The following DTX2 variants were observed in gnomAD, a reference collection of about 807,000 sequenced individuals.
DTX2 encodes the protein probable E3 ubiquitin-protein ligase DTX2.
DTX2 carries 29 observed loss-of-function variants against 55.3 expected under a neutral mutation model. The observed-to-expected ratio is 0.52, with a 90% confidence interval of 0.39 to 0.71. DTX2 has a LOEUF of 0.71. DTX2 is among the 30% of genes least tolerant of loss of function. DTX2 has a pLI of 0.00. For missense variants in DTX2, 537 were observed against 822.5 expected, an observed-to-expected ratio of 0.65 and a Z score of 4.25; for synonymous variants, 276 against 340.4, an observed-to-expected ratio of 0.81 and a Z score of 2.08.
chr7:76,501,127 G>C (rs1482038526), intron 7 of DTX2: 1 of 367,098 alleles, frequency 2.7e-6, no homozygotes, highest in Non-Finnish European at 5.3e-6. Flanking sequence ...TTTTAGCTGG[G>C]AGCCCTGGAG....
chr7:76,482,562 G>T lies in DTX2; in HGVS notation c.323G>T (p.Arg108Leu), dbSNP rs754853252. ...HLFPQHSAPG[R>L]GVVWEWLSDD... is the part of the protein sequence containing the mutation. ...TTCCCCCAGCACTCAGCCCCTGGCC[G>T]AGGTGTCGTCTGGGAGTGGCTGAGC... is the stretch of plus-strand genomic sequence containing the variant. Residue 108 changes from arginine (R) to leucine (L), a missense_variant, in exon 4 of 11, where the codon CGA (arginine) becomes CTA (leucine). Arg to Leu is a moderately radical substitution (Grantham distance 102). This residue lies in a region of DTX2 where 301 missense variants were observed against 396.6 expected (regional missense o/e 0.76). Coordinates refer to ENST00000430490, the MANE Select transcript of DTX2 (RefSeq NM_001102594.3). The T allele has an allele frequency of 6.2e-7, 1 of 1,612,506 alleles. No homozygotes were observed. The highest frequency in any genetic ancestry group is 8.5e-7 in the Non-Finnish European group (1 of 1,178,930).
intron 5 of DTX2, among the ~76,000 whole-genome samples, chr7:76,495,436 T>C (rs1002141144): frequency 3.9e-5 from 6 of 152,114 alleles, no homozygotes; most frequent in Non-Finnish European, 7.4e-5. Flanking sequence ...CTCCGAGTTA[T>C]TCAGGTGTTT....
chr7:76,482,798 G>A lies in DTX2; in HGVS notation c.559G>A (p.Ala187Thr), dbSNP rs543279359. 4 of 1,613,610 alleles carry A rather than the reference G, an allele frequency of 2.5e-6. No homozygotes were observed. The highest frequency in any genetic ancestry group is 1.7e-5 in the Admixed American group (1 of 59,972). The change falls in exon 4 of 11, where the codon GCT becomes ACT. Residue 187 changes from alanine to threonine, a missense_variant. By Grantham distance (58) the Ala-to-Thr change is moderately conservative (BLOSUM62 0). Coordinates refer to ENST00000430490, the MANE Select transcript of DTX2 (RefSeq NM_001102594.3). ...GCCTTACCCGGTGACCACCATCATC[G>A]CTCCGCCGGGCCACACAGGCGTCGC... ...GPPYPVTTII[A>T]PPGHTGVACS...
At chr7:76,483,920 G>A (rs1464506542) in intron 4 of DTX2, among the ~76,000 whole-genome samples, 13 of 152,070 alleles carry the variant, frequency 8.5e-5, no homozygotes, top group African/African-American at 2.4e-4. Flanking sequence ...AGCCAGGCAT[G>A]GTGGTACACA....
chr7:76,480,450 G>A lies in DTX2; in HGVS notation c.-60G>A, dbSNP rs544130333. On this transcript the variant is annotated 5_prime_UTR_variant, in exon 3 of 11. Coordinates refer to ENST00000430490, the MANE Select transcript of DTX2 (RefSeq NM_001102594.3). Reference sequence around the variant, plus strand: ...GCCGGAGGCGCTGGGCAATGACCCCGGGACTCCAGGCCAGAGGGGTCTGAA... The same window carrying A: ...GCCGGAGGCGCTGGGCAATGACCCCAGGACTCCAGGCCAGAGGGGTCTGAA... 1,249 of 1,494,142 alleles carry A rather than the reference G, an allele frequency of 8.4e-4. 8 individuals carry two copies. The African/African-American group carries it at 0.014, about 17-fold the overall frequency. 92.6% of individuals were successfully genotyped at this position (1,494,142 alleles called of 1,614,324 possible). A position where few individuals can be genotyped will look rare whatever the true frequency, so the allele number is the denominator to read the frequency against.
At chr7:76,472,444 A>G in intron 2 of DTX2, among the ~76,000 whole-genome samples, 1 of 144,460 alleles carries the variant, frequency 6.9e-6, no homozygotes, top group East Asian at 2.0e-4. Context: ...CTCCTGCCTC[A>G]GCTTCCCAGG....
In DTX2 at chr7:76,502,315, G is replaced by A; in HGVS notation, c.1248G>A (p.Met416Ile). 6.2e-7 allele frequency: 1 copy of A among 1,607,402 alleles called. No homozygotes were observed. Among genetic ancestry groups the A allele is most frequent in the Non-Finnish European group, 8.5e-7 (1 of 1,176,724 alleles). ...VPPDEDCIICMEKLSTASGYS... is the reference protein window; with the variant it reads ...VPPDEDCIICIEKLSTASGYS... The stretch of plus-strand genomic sequence containing the variant: ...TCCTCCAGGACTGCATCATCTGCAT[G>A]GAGAAGCTGTCCACAGCGTCTGGAT... The change falls in exon 8 of 11, where the codon ATG becomes ATA. Residue 416 changes from methionine to isoleucine, a missense_variant. Transcript: ENST00000430490.
intron 4 of DTX2, among the ~76,000 whole-genome samples, chr7:76,483,634 G>A (rs1809574180): frequency 6.7e-6 from 1 of 149,284 alleles, no homozygotes; most frequent in South Asian, 2.2e-4. Flanking sequence ...GGCTGCAGGT[G>A]GCATGGGTGA....
At chr7:76,467,599 T>TGTC (rs1807314503) in intron 2 of DTX2, among the ~76,000 whole-genome samples, 2 of 110,966 alleles carry the variant, frequency 1.8e-5, no homozygotes, top group South Asian at 7.7e-4. Flanking sequence ...CTTCTGTTGA[T>TGTC]CAGCCATTCT....
intron 2 of DTX2, chr7:76,476,982 C>T (rs1487579008): frequency 1.3e-5 from 2 of 152,138 alleles, no homozygotes; most frequent in Non-Finnish European, 2.9e-5. Context: ...TCATCCGGGC[C>T]ATGAGGACAT....
chr7:76,505,621 C>A lies in DTX2; in HGVS notation c.*20C>A. Reference sequence around the variant, plus strand: ...CAGTGACCTCGCACCCCAGCACGCCCGCCTCTGGTGGCCACCCCGCTGCCC... The same window carrying A: ...CAGTGACCTCGCACCCCAGCACGCCAGCCTCTGGTGGCCACCCCGCTGCCC... On this transcript the variant is annotated 3_prime_UTR_variant, in exon 11 of 11. Transcript: ENST00000430490. The surrounding 1 kb of genome is among the most constrained non-coding windows in gnomAD (Gnocchi z 4.4). 6.5e-7 allele frequency: 1 copy of A among 1,534,692 alleles called. No homozygotes were observed. Among genetic ancestry groups the A allele is most frequent in the South Asian group, 1.2e-5 (1 of 83,472 alleles).
At position 76,505,005 on chromosome 7, in the gene DTX2, G is replaced by GGGGAGAGGGCA. The variant is rs1180493917; in HGVS notation, c.1642-352_1642-342dup. 3.3e-5 allele frequency among the ~76,000 whole-genome samples: 5 copies of GGGGAGAGGGCA among 150,512 alleles called. No individual in the cohort carries two copies. The highest frequency in any genetic ancestry group is 7.4e-5 in the Non-Finnish European group (5 of 67,620). ...GGCTTGAGGTGGCGGAGCTGGAGGCGGGGAGAGGGCAGGGAGAGGGCAGGG... is the reference window on the plus strand; with the variant it reads ...GGCTTGAGGTGGCGGAGCTGGAGGCGGGGAGAGGGCAGGGAGAGGGCAGGGAGAGGGCAGGG... On this transcript the variant is annotated intron_variant, in intron 10 of 10. Coordinates refer to ENST00000430490, the MANE Select transcript of DTX2 (RefSeq NM_001102594.3). The surrounding 1 kb of genome is among the most constrained non-coding windows in gnomAD (Gnocchi z 4.4).
intron 8 of DTX2, 113 bp downstream of exon 8, chr7:76,502,569 A>G: frequency 1.6e-6 from 2 of 1,250,772 alleles, no homozygotes; most frequent in Non-Finnish European, 1.1e-6. Flanking sequence ...CCTCTGCAAA[A>G]GATGGTGCTG....
chr7:76,484,807 CTCCCGCTCA>C (rs1809735819), intron 4 of DTX2, among the ~76,000 whole-genome samples: 1 of 142,444 alleles, frequency 7.0e-6, no homozygotes, highest in Non-Finnish European at 1.5e-5. Flanking sequence ...GTGACAGCGC[CTCCCGCTCA>C]TTGGTTCGTG....
rs900320197 is a variant in DTX2 at position 76,466,923 on chromosome 7, T to C, written c.-90+3214T>C. Among the ~76,000 whole-genome samples, 6 of 151,758 alleles carry C rather than the reference T, an allele frequency of 4.0e-5. No homozygotes were observed. In the East Asian group the frequency reaches 5.8e-4, roughly 15 times the overall value. The stretch of plus-strand genomic sequence containing the variant: ...TATTTCTTTCTTTTTTTAGAGACAG[T>C]GTCTCACCTTGTAACCCAGGCAGCT... On this transcript the variant is annotated intron_variant, in intron 2 of 10. Transcript: ENST00000430490.
At chr7:76,502,121 A>T (rs552606802) in intron 7 of DTX2, 177 bp from the exon 8 acceptor site, 58 of 587,976 alleles carry the variant, frequency 9.9e-5, no homozygotes, top group Non-Finnish European at 1.7e-4. Context: ...TCCTGACCTC[A>T]AGTGATCGGC....
At chr7:76,495,678 G>C (rs954251869) in intron 5 of DTX2, among the ~76,000 whole-genome samples, 2 of 150,582 alleles carry the variant, frequency 1.3e-5, no homozygotes, top group Non-Finnish European at 3.0e-5. Flanking sequence ...CTGCCCCAGC[G>C]GGGTGCTGGA....
rs140991145 is a variant in DTX2 at position 76,505,598 on chromosome 7, G to C, written c.1866G>C (p.Gln622His). The change falls in exon 11 of 11, where the codon CAG becomes CAC. Residue 622 changes from glutamine (Q) to histidine (H), a missense_variant. Gln to His is a conservative substitution (Grantham distance 24, BLOSUM62 0). Transcript: ENST00000430490. The surrounding 1 kb of genome is among the most constrained non-coding windows in gnomAD (Gnocchi z 4.4). ...QGVTEDCLEQ[Q>H] ...TGACCGAGGACTGCCTGGAGCAGCA[G>C]TGACCTCGCACCCCAGCACGCCCGC... is the stretch of plus-strand genomic sequence containing the variant. 251 of 1,542,676 alleles carry C rather than the reference G, an allele frequency of 1.6e-4. 1 individual carries two copies. The African/African-American group carries it at 3.1e-3, about 19-fold the overall frequency.
chr7:76,465,352 G>A (rs1457031802), intron 2 of DTX2, among the ~76,000 whole-genome samples: 52 of 133,246 alleles, frequency 3.9e-4, no homozygotes, highest in African/African-American at 1.1e-3. Context: ...GAAGGGCACC[G>A]GCAAATATTG....
Sources: gnomAD v4.1 joint callset for allele counts (sites outside exome capture counted in the v4.1 genomes callset) on GRCh38, gnomAD v4.1.1 for gene constraint, gnomAD v4.1.1 regional missense constraint, Gnocchi (gnomAD v3.1) non-coding constraint, MANE v1.5 for transcripts, NCBI Gene and HGNC (gene_info 2026-07-23, HGNC 2026-07-21) for gene names.